Variants in PLCB1 observed in about 807,000 individuals in gnomAD.
PLCB1 encodes 1-phosphatidylinositol 4,5-bisphosphate phosphodiesterase beta-1.
A neutral mutation model predicts 161.8 loss-of-function variants in PLCB1; 46 were observed. The ratio of observed to expected loss-of-function variants is 0.28; its 90% confidence interval spans 0.22 to 0.36. PLCB1 has a LOEUF of 0.36. PLCB1 is among the 10% of genes least tolerant of loss of function. The pLI, the probability that PLCB1 is intolerant of heterozygous loss-of-function variation, is 1.00. For missense variants in PLCB1, 1,016 were observed against 1,472.5 expected (o/e 0.69, Z 5.07); for synonymous variants, 517 against 503.7 (o/e 1.03, Z -0.35).
chr20:8,375,581 G>A (rs1191548374), intron 3 of PLCB1, among the ~76,000 whole-genome samples: 3 of 152,138 alleles, frequency 2.0e-5, no homozygotes, highest in Non-Finnish European at 4.4e-5. Flanking sequence ...ACATATCGGA[G>A]AAGTTTTAAA....
chr20:8,741,750 C>T (rs1420267907), intron 23 of PLCB1, among the ~76,000 whole-genome samples, 177 bp downstream of exon 23: 1 of 152,178 alleles, frequency 6.6e-6, no homozygotes, highest in Non-Finnish European at 1.5e-5. Flanking sequence ...AAATTTTTCA[C>T]ATTTCATTTT....
chr20:8,877,054 A>AATT (rs1987807121), intron 31 of PLCB1, among the ~76,000 whole-genome samples: 1 of 58,322 alleles, frequency 1.7e-5, no homozygotes. Flanking sequence ...AGGGGTGAAG[A>AATT]ATTACTGCCA....
chr20:8,300,127 G>A (rs1031940237), intron 2 of PLCB1, among the ~76,000 whole-genome samples: 1 of 152,146 alleles, frequency 6.6e-6, no homozygotes, highest in Non-Finnish European at 1.5e-5. Context: ...TAAGAAGACT[G>A]GGATGACTCA....
chr20:8,534,608 C>A (rs1984966697), intron 3 of PLCB1, among the ~76,000 whole-genome samples: 1 of 152,048 alleles, frequency 6.6e-6, no homozygotes, highest in Admixed American at 6.5e-5. Flanking sequence ...TGCTTCCAGC[C>A]ATCTGGGAGA....
At chr20:8,698,163 C>A (rs576667493) in intron 11 of PLCB1, among the ~76,000 whole-genome samples, 1 of 152,112 alleles carries the variant, frequency 6.6e-6, no homozygotes, top group Admixed American at 6.5e-5. Flanking sequence ...CCATCTAAAT[C>A]GAGAAATAGA....
At chr20:8,694,086 G>A (rs1273922429) in intron 10 of PLCB1, among the ~76,000 whole-genome samples, 1 of 152,146 alleles carries the variant, frequency 6.6e-6, no homozygotes, top group African/African-American at 2.4e-5. Flanking sequence ...TATTCAAATG[G>A]AAATATAATG....
At chr20:8,377,246 G>T (rs148301033) in intron 3 of PLCB1, among the ~76,000 whole-genome samples, 93 of 152,274 alleles carry the variant, frequency 6.1e-4, no homozygotes, top group Non-Finnish European at 1.0e-3. Context: ...TTGATAGGAG[G>T]CAGTTATATG....
rs376619201 is a variant in PLCB1, at chr20:8,856,673, A to T, written c.3424-24949A>T. ...CAAAAAAGTATATACATTATTATTC[A>T]GTGTATATGAAGAGTTAGAAAATAT... On this transcript the variant is annotated intron_variant, in intron 31 of 31. Transcript: ENST00000338037. Among the ~76,000 whole-genome samples, 18 of 152,324 alleles carry T rather than the reference A, an allele frequency of 1.2e-4. No individual in the cohort carries two copies. The East Asian group carries it at 2.9e-3, about 24-fold the overall frequency.
intron 9 of PLCB1, among the ~76,000 whole-genome samples, chr20:8,683,341 A>G (rs1990268544): frequency 6.6e-6 from 1 of 151,758 alleles, no homozygotes; most frequent in Non-Finnish European, 1.5e-5. Flanking sequence ...TCATTTCCCA[A>G]TTTTTCTTTA....
intron 31 of PLCB1, among the ~76,000 whole-genome samples, chr20:8,813,321 T>C (rs563252447): frequency 3.3e-5 from 5 of 152,336 alleles, no homozygotes; most frequent in African/African-American, 9.6e-5. Flanking sequence ...AAGAAAAAAA[T>C]GTTTGCTATT....
chr20:8,303,897 T>C (rs1242403465), intron 2 of PLCB1, among the ~76,000 whole-genome samples: 3 of 152,188 alleles, frequency 2.0e-5, no homozygotes, highest in Non-Finnish European at 2.9e-5. Context: ...ACACAAGCCT[T>C]AATTAATTTC....
intron 2 of PLCB1, among the ~76,000 whole-genome samples, chr20:8,154,562 T>G (rs2051540813): frequency 6.6e-6 from 1 of 152,190 alleles, no homozygotes; most frequent in Admixed American, 6.5e-5. Flanking sequence ...TAACCCTACC[T>G]GTCTTATATG....
At chr20:8,536,743 T>G (rs371224468) in intron 3 of PLCB1, among the ~76,000 whole-genome samples, 5 of 152,196 alleles carry the variant, frequency 3.3e-5, no homozygotes, top group African/African-American at 1.2e-4. Context: ...GATCGAGAAC[T>G]GAGAGAGAAT....
At chr20:8,217,005 G>A (rs1979170677) in intron 2 of PLCB1, among the ~76,000 whole-genome samples, 1 of 152,088 alleles carries the variant, frequency 6.6e-6, no homozygotes, top group African/African-American at 2.4e-5. Context: ...TCACCACTGA[G>A]GTGCTTTGTC....
At chr20:8,324,928 T>G (rs1221248843) in intron 2 of PLCB1, among the ~76,000 whole-genome samples, 1 of 152,254 alleles carries the variant, frequency 6.6e-6, no homozygotes, top group Non-Finnish European at 1.5e-5. Flanking sequence ...GGGAATAACG[T>G]CTAAGTAATT....
At chr20:8,330,279 C>G (rs1042483006) in intron 2 of PLCB1, among the ~76,000 whole-genome samples, 1 of 152,096 alleles carries the variant, frequency 6.6e-6, no homozygotes, top group Non-Finnish European at 1.5e-5. Flanking sequence ...TCTCATTTTC[C>G]TTTTTAGATT....
In PLCB1 at chr20:8,704,358, A is replaced by C. The variant is rs538071471; in HGVS notation, c.1168-4312A>C. 3.9e-5 allele frequency among the ~76,000 whole-genome samples: 6 copies of C among 152,298 alleles called. No homozygotes were observed. In the East Asian group the frequency reaches 1.2e-3, roughly 29 times the overall value. ...AACAGAGCAAGACTTCGTTTCAAAAAAAAAAAAAGAAAAGAAAAGTTAGCA... is the reference window on the plus strand; with the variant it reads ...AACAGAGCAAGACTTCGTTTCAAAACAAAAAAAAGAAAAGAAAAGTTAGCA... On this transcript the variant is annotated intron_variant, in intron 11 of 31. Coordinates refer to ENST00000338037, the MANE Select transcript of PLCB1 (RefSeq NM_015192.4).
At chr20:8,249,254 G>A (rs1053330545) in intron 2 of PLCB1, among the ~76,000 whole-genome samples, 10 of 152,034 alleles carry the variant, frequency 6.6e-5, no homozygotes, top group East Asian at 1.9e-4. Flanking sequence ...GGTCTTTGAC[G>A]TCTTTAAAAA....
chr20:8,869,236 A>G (rs561212975), intron 31 of PLCB1, among the ~76,000 whole-genome samples: 2 of 152,292 alleles, frequency 1.3e-5, no homozygotes, highest in South Asian at 2.1e-4. Flanking sequence ...CATGTGCACA[A>G]CATGCAGGTT....
Sources: allele counts gnomAD v4.1 joint callset (sites outside exome capture counted in the v4.1 genomes callset), GRCh38; gene constraint gnomAD v4.1.1; transcripts MANE v1.5; gene names NCBI Gene and HGNC (gene_info 2026-07-23, HGNC 2026-07-21).